DNAH1: variants seen among roughly 807,000 people sequenced by gnomAD.
The protein encoded by DNAH1 is dynein axonemal heavy chain 1, also known as axonemal beta dynein heavy chain 1.
A neutral mutation model predicts 484.3 loss-of-function variants in DNAH1; 327 were observed. The observed-to-expected ratio is 0.68, with a 90% CI of 0.62 to 0.74. The LOEUF is 0.74. Ranked by LOEUF, DNAH1 falls within the 30% of genes least tolerant of loss-of-function variation. The pLI is 0.00. For missense variants in DNAH1, 5,052 were observed against 5,546.8 expected (o/e 0.91, Z 2.83); for synonymous variants, 2,192 against 2,191.9 (o/e 1.00, Z 0.00).
chr3:52,391,717 C>G (rs550264027), intron 63 of DNAH1, 114 bp downstream of exon 63: 11 of 1,277,450 alleles, frequency 8.6e-6, no homozygotes, highest in Non-Finnish European at 1.2e-5. Context: ...CTCAAAGTCT[C>G]CACCAGTTTC....
chr3:52,357,159 A>T (rs1373231014), intron 22 of DNAH1, among the ~76,000 whole-genome samples: 1 of 151,704 alleles, frequency 6.6e-6, no homozygotes, highest in South Asian at 2.1e-4. Context: ...AGACAGGGTA[A>T]TCCTGTCTTA....
intron 21 of DNAH1, among the ~76,000 whole-genome samples, chr3:52,356,156 G>A (rs1300304392): frequency 1.3e-5 from 2 of 152,208 alleles, no homozygotes; most frequent in Non-Finnish European, 2.9e-5. Context: ...TTTTGAAGAT[G>A]TCTCACCCTT....
chr3:52,332,496 C>T lies in DNAH1; in HGVS notation c.1286+102C>T, dbSNP rs897768967. 2.7e-6 allele frequency: 4 copies of T among 1,505,922 alleles called. No individual in the cohort carries two copies. In the African/African-American group the frequency reaches 4.1e-5, roughly 15 times the overall value. The allele number at this position is 1,505,922 out of a possible 1,614,324, so 93.3% of individuals were successfully genotyped here. On this transcript the variant is annotated intron_variant, in intron 8 of 77. Coordinates refer to ENST00000420323, the MANE Select transcript of DNAH1 (RefSeq NM_015512.5). Reference sequence around the variant, plus strand: ...TCCAGGGTGGAGCTCCCTCAGGGCTCATCTGTTTGAGACTGTCCTGGCTAT... The same window carrying T: ...TCCAGGGTGGAGCTCCCTCAGGGCTTATCTGTTTGAGACTGTCCTGGCTAT...
At chr3:52,345,959 T>C (rs1010978049) in intron 10 of DNAH1, among the ~76,000 whole-genome samples, 2 of 152,138 alleles carry the variant, frequency 1.3e-5, no homozygotes, top group Non-Finnish European at 2.9e-5. Context: ...TCCCTTTCCA[T>C]CCCAACTCTG....
chr3:52,370,661 C>A (rs1164079964), intron 40 of DNAH1, 26 bp downstream of exon 40: 4 of 1,602,486 alleles, frequency 2.5e-6, no homozygotes, highest in Non-Finnish European at 3.4e-6. Context: ...CCCCAGGGAC[C>A]AGGAGCCTCA....
At chr3:52,320,658 G>T (rs774648238) in intron 1 of DNAH1, among the ~76,000 whole-genome samples, 1 of 152,200 alleles carries the variant, frequency 6.6e-6, no homozygotes, top group Non-Finnish European at 1.5e-5. Context: ...CAAAAAGAGT[G>T]CCCTGTTCTT....
chr3:52,394,393 C>T (rs750567037), intron 66 of DNAH1, 72 bp from the exon 67 acceptor site: 2 of 1,488,646 alleles, frequency 1.3e-6, no homozygotes, highest in South Asian at 2.4e-5. Context: ...AGAGGCACTA[C>T]TGGGTGGGGG....
chr3:52,343,205 A>G (rs567847846), intron 8 of DNAH1, among the ~76,000 whole-genome samples: 2 of 152,264 alleles, frequency 1.3e-5, no homozygotes, highest in African/African-American at 2.4e-5. Context: ...CCAGTTTTTC[A>G]TAAAGAAACA....
Position 52,364,237 on chromosome 3 carries a change from G to A in DNAH1, c.5245-401G>A, listed in dbSNP as rs1321330660. On this transcript the variant is annotated intron_variant, in intron 32 of 77. Transcript: ENST00000420323. The surrounding 1 kb of genome is among the most constrained non-coding windows in gnomAD (Gnocchi z 4.2). ...CATGGTGGTGTGGCCAGAAAGACGG[G>A]TCTGGAGAGATGTTATGGGAGAATG... Among the ~76,000 whole-genome samples the A allele has an allele frequency of 1.3e-5, 2 of 152,240 alleles. No homozygotes were observed. Among genetic ancestry groups the A allele is most frequent in the African/African-American group, 4.8e-5 (2 of 41,466 alleles).
At chr3:52,377,841 T>G (rs1703670434) in intron 46 of DNAH1, among the ~76,000 whole-genome samples, 1 of 151,972 alleles carries the variant, frequency 6.6e-6, no homozygotes, top group Non-Finnish European at 1.5e-5. Flanking sequence ...CCTCTCCTGC[T>G]GCAGGGCTGC....
At position 52,322,707 on chromosome 3, in the gene DNAH1, T is replaced by G; in HGVS notation, c.265T>G (p.Tyr89Asp). The G allele has an allele frequency of 6.2e-7, 1 of 1,613,594 alleles. No homozygotes were observed. The highest frequency in any genetic ancestry group is 8.5e-7 in the Non-Finnish European group (1 of 1,179,792). ...ACCCCTGACAGGCACTGATAAGAAGTACCCGCTGATGAAGCAGCGTGGGTT... is the reference window on the plus strand; with the variant it reads ...ACCCCTGACAGGCACTGATAAGAAGGACCCGCTGATGAAGCAGCGTGGGTT... ...KSPLTGTDKK[Y>D]PLMKQRGFYS... Residue 89 changes from tyrosine to aspartate, a missense_variant, in exon 2 of 78, where the codon TAC (tyrosine) becomes GAC (aspartate). Transcript: ENST00000420323.
chr3:52,352,994 C>T (rs1702457474), intron 18 of DNAH1, 109 bp from the exon 19 acceptor site: 1 of 1,170,486 alleles, frequency 8.5e-7, no homozygotes, highest in Non-Finnish European at 1.2e-6. Flanking sequence ...TCAGGGACAT[C>T]AGCCAGGAGC....
chr3:52,370,175 C>G lies in DNAH1; in HGVS notation c.6204C>G (p.Thr2068=). The change falls in exon 39 of 78, where the codon ACC becomes ACG. Residue 2068 remains threonine (T), a synonymous_variant. Transcript: ENST00000420323. The part of the protein sequence containing the change: ...EVIASTNCNL[T]MSLLKLLDCF... ...TCGCCTCAACCAACTGCAACCTGAC[C>G]ATGAGCCTCCTCAAGCTGCTGGACT... is the stretch of plus-strand genomic sequence containing the variant. 1 of 1,614,012 alleles carries G rather than the reference C, an allele frequency of 6.2e-7. No individual in the cohort carries two copies. Among genetic ancestry groups the G allele is most frequent in the South Asian group, 1.1e-5 (1 of 91,076 alleles).
Position 52,392,912 on chromosome 3 carries a change from A to G in DNAH1, c.10361A>G (p.Gln3454Arg). 1 of 1,612,156 alleles carries G rather than the reference A, an allele frequency of 6.2e-7. No individual in the cohort carries two copies. The highest frequency in any genetic ancestry group is 8.5e-7 in the Non-Finnish European group (1 of 1,179,532). Reference protein sequence around the residue: ...MEYIPVAIRTQILFFCVSDLA... With the variant: ...MEYIPVAIRTRILFFCVSDLA... ...TACATACCCGTGGCCATCCGCACCC[A>G]GATCCTCTTCTTCTGTGTGTCCGAC... is the stretch of plus-strand genomic sequence containing the variant. The change falls in exon 65 of 78, where the codon CAG becomes CGG. Residue 3454 changes from glutamine to arginine, a missense_variant. Physicochemically the swap from Gln to Arg is conservative, Grantham distance 43. This residue lies in a region of DNAH1 where 2,929 missense variants were observed against 3,409.4 expected (regional missense o/e 0.86). Coordinates refer to ENST00000420323, the MANE Select transcript of DNAH1 (RefSeq NM_015512.5).
intron 8 of DNAH1, among the ~76,000 whole-genome samples, chr3:52,339,863 T>C (rs1317437997): frequency 6.6e-6 from 1 of 151,840 alleles, no homozygotes; most frequent in Non-Finnish European, 1.5e-5. Flanking sequence ...ATGTGGGTCC[T>C]CCAAGGTTTT....
Position 52,372,904 on chromosome 3 carries a change from G to T in DNAH1, c.6836G>T (p.Gly2279Val), listed in dbSNP as rs1358108429. ...IDSKLDKRRKGVFGPPLGRNF... is the reference protein window; with the variant it reads ...IDSKLDKRRKVVFGPPLGRNF... ...ACAGCCCCTCCCCTCAGGCGGAAGG[G>T]TGTGTTTGGACCACCTCTGGGGCGC... The change falls in exon 44 of 78, where the codon GGT becomes GTT. Residue 2279 changes from glycine (G) to valine (V), a missense_variant. Physicochemically the swap from Gly to Val is moderately radical, Grantham distance 109. Transcript: ENST00000420323. 11 of 1,612,750 alleles carry T rather than the reference G, an allele frequency of 6.8e-6. No individual in the cohort carries two copies. The African/African-American group carries it at 1.1e-4, about 16-fold the overall frequency.
chr3:52,331,739 C>T (rs375148927), intron 7 of DNAH1, among the ~76,000 whole-genome samples: 18 of 151,282 alleles, frequency 1.2e-4, no homozygotes, highest in East Asian at 7.8e-4. Context: ...ATTCTCGTGC[C>T]TCAGTCTCCC....
intron 75 of DNAH1, 81 bp from the exon 76 acceptor site, chr3:52,398,769 T>G (rs1034616507): frequency 2.4e-6 from 3 of 1,248,638 alleles, no homozygotes; most frequent in Admixed American, 3.1e-5. Context: ...TGTTTTTCAC[T>G]CTGTGGCCTT....
chr3:52,383,464 G>A lies in DNAH1; in HGVS notation c.8020G>A (p.Glu2674Lys), dbSNP rs540717368. 6.2e-6 allele frequency: 10 copies of A among 1,613,996 alleles called. No individual in the cohort carries two copies. The highest frequency in any genetic ancestry group is 2.2e-5 in the East Asian group (1 of 44,892). The change falls in exon 51 of 78, where the codon GAG (glutamate) becomes AAG (lysine). Residue 2674 changes from glutamate (E) to lysine (K), a missense_variant. This residue lies in a region of DNAH1 where 2,929 missense variants were observed against 3,409.4 expected (regional missense o/e 0.86). Transcript: ENST00000420323. ...GDIPNLYTAD[E>K]QDQIVSTMRP... ...CATTCCCAATCTGTATACTGCGGAC[G>A]AGCAGGACCAGATCGTCAGCACCAT... is the stretch of plus-strand genomic sequence containing the variant.
Sources: gnomAD v4.1 joint callset for allele counts (sites outside exome capture counted in the v4.1 genomes callset) on GRCh38, gnomAD v4.1.1 for gene constraint, gnomAD v4.1.1 regional missense constraint, Gnocchi (gnomAD v3.1) non-coding constraint, MANE v1.5 for transcripts, NCBI Gene and HGNC (gene_info 2026-07-23, HGNC 2026-07-21) for gene names.